MARCHF1: variants seen among roughly 807,000 people sequenced by gnomAD.
MARCHF1 encodes E3 ubiquitin-protein ligase MARCHF1.
Under a neutral mutation model 54.2 loss-of-function variants are expected in MARCHF1, and 40 were observed. The ratio of observed to expected loss-of-function variants is 0.74; its 90% confidence interval spans 0.57 to 0.96. MARCHF1 has a LOEUF of 0.96. MARCHF1 is among the 40% of genes least tolerant of loss of function. The pLI is 0.00. For synonymous variants in MARCHF1, 236 were observed against 236.3 expected (o/e 1.00, Z 0.01); for missense variants, 586 against 656.5 (o/e 0.89, Z 1.17).
chr4:164,329,620 T>C, intron 1 of MARCHF1, among the ~76,000 whole-genome samples: 1 of 152,160 alleles, frequency 6.6e-6, no homozygotes, highest in East Asian at 1.9e-4. Flanking sequence ...TTTTACAAGC[T>C]ATACAGGAAG....
intron 5 of MARCHF1, among the ~76,000 whole-genome samples, chr4:163,679,643 C>T: frequency 6.8e-6 from 1 of 148,020 alleles, no homozygotes; most frequent in Non-Finnish European, 1.5e-5. Context: ...GATGGAGTCT[C>T]GCTCTGTTGC....
rs550884094 is a variant in MARCHF1 at position 164,053,800 on chromosome 4, G to A, written c.-248+57788C>T. 1.2e-4 allele frequency among the ~76,000 whole-genome samples: 19 copies of A among 152,264 alleles called. 1 individual carries two copies. In the South Asian group the frequency reaches 3.7e-3, roughly 30 times the overall value. On this transcript the variant is annotated intron_variant, in intron 2 of 9. Transcript: ENST00000514618. ...TGGTTTGAAAAAGTGCAGCAATAAAGAATTCATAATGTCCTGAAGAAGACA... is the reference window on the plus strand; with the variant it reads ...TGGTTTGAAAAAGTGCAGCAATAAAAAATTCATAATGTCCTGAAGAAGACA...
chr4:163,871,142 A>G (rs1454800525), intron 3 of MARCHF1, among the ~76,000 whole-genome samples: 2 of 152,160 alleles, frequency 1.3e-5, no homozygotes, highest in Non-Finnish European at 2.9e-5. Context: ...TATTAATAAA[A>G]GCAAAACTAA....
At chr4:164,161,806 C>T (rs561285514) in intron 1 of MARCHF1, among the ~76,000 whole-genome samples, 12 of 152,272 alleles carry the variant, frequency 7.9e-5, no homozygotes, top group African/African-American at 2.4e-4. Flanking sequence ...AGCCACCTTG[C>T]TGCTATGAAA....
intron 3 of MARCHF1, among the ~76,000 whole-genome samples, chr4:163,939,161 G>A (rs549468901): frequency 2.0e-5 from 3 of 152,094 alleles, no homozygotes; most frequent in Non-Finnish European, 4.4e-5. Flanking sequence ...ACAATAAATA[G>A]AACTCTCAGT....
At chr4:164,073,218 C>T (rs1036763471) in intron 2 of MARCHF1, among the ~76,000 whole-genome samples, 9 of 152,058 alleles carry the variant, frequency 5.9e-5, no homozygotes, top group Admixed American at 1.3e-4. Context: ...TGGCACTGTT[C>T]GCAATAGCAA....
intron 1 of MARCHF1, among the ~76,000 whole-genome samples, chr4:164,131,724 C>T (rs1013338716): frequency 6.6e-6 from 1 of 152,028 alleles, no homozygotes; most frequent in Admixed American, 6.6e-5. Flanking sequence ...TTGCCTGCTA[C>T]TCTAAGTAAC....
Position 163,933,620 on chromosome 4 carries a change from A to G in MARCHF1, c.-39+54881T>C. 1.3e-5 allele frequency among the ~76,000 whole-genome samples: 2 copies of G among 152,258 alleles called. 1 individual carries two copies. On this transcript the variant is annotated intron_variant, in intron 3 of 9. Coordinates refer to ENST00000514618, the MANE Select transcript of MARCHF1 (RefSeq NM_001394959.1). ...GAAAATGTAGTTAATTACAATTTAA[A>G]GAGTGTTCCACACAACTTCTCCATT...
chr4:164,068,999 G>A (rs6536794), intron 2 of MARCHF1, among the ~76,000 whole-genome samples: 98,968 of 151,066 alleles, frequency 0.66, 34,113 homozygotes, highest in Non-Finnish European at 0.78. Context: ...GGGACTTGGA[G>A]AACCTTTGTG....
intron 3 of MARCHF1, among the ~76,000 whole-genome samples, chr4:163,902,472 GC>G (rs1450523841): frequency 6.6e-6 from 1 of 152,046 alleles, no homozygotes; most frequent in Non-Finnish European, 1.5e-5. Context: ...ATTGATGTTG[GC>G]CCCTTTTTTA....
intron 1 of MARCHF1, among the ~76,000 whole-genome samples, chr4:164,233,136 C>T (rs1172650933): frequency 6.6e-6 from 1 of 152,028 alleles, no homozygotes; most frequent in Non-Finnish European, 1.5e-5. Context: ...ATTAATAGTA[C>T]CCCTATATGT....
At chr4:163,989,632 T>TA (rs942774846) in intron 2 of MARCHF1, among the ~76,000 whole-genome samples, 9 of 152,136 alleles carry the variant, frequency 5.9e-5, no homozygotes, top group Admixed American at 6.5e-5. Flanking sequence ...TTTTTAAATT[T>TA]AAAAAAAATT....
chr4:164,149,233 T>C (rs938731749), intron 1 of MARCHF1, among the ~76,000 whole-genome samples: 1 of 152,186 alleles, frequency 6.6e-6, no homozygotes, highest in Non-Finnish European at 1.5e-5. Context: ...CCTGCAGAAC[T>C]GTCAGCCAAA....
chr4:164,124,968 T>C (rs189527327), intron 1 of MARCHF1, among the ~76,000 whole-genome samples: 2 of 152,254 alleles, frequency 1.3e-5, no homozygotes, highest in Non-Finnish European at 2.9e-5. Flanking sequence ...GACAAATGCT[T>C]GAGGGGATGG....
chr4:163,549,294 G>A (rs1262700470), intron 8 of MARCHF1, among the ~76,000 whole-genome samples: 3 of 151,824 alleles, frequency 2.0e-5, no homozygotes, highest in Admixed American at 2.0e-4. Flanking sequence ...AGTTTCTTTT[G>A]CTTATTGCTT....
chr4:163,959,365 A>G (rs1308009392), intron 3 of MARCHF1, among the ~76,000 whole-genome samples: 1 of 147,892 alleles, frequency 6.8e-6, no homozygotes, highest in East Asian at 1.9e-4. Context: ...AAAAAACACA[A>G]AACAAACAAA....
chr4:163,942,836 TC>T (rs1321260881), intron 3 of MARCHF1, among the ~76,000 whole-genome samples: 2 of 152,094 alleles, frequency 1.3e-5, no homozygotes, highest in African/African-American at 4.8e-5. Flanking sequence ...CTTAGCTTTC[TC>T]CTTTCTCTTA....
At chr4:163,601,257 GCAAC>G (rs906634539) in intron 7 of MARCHF1, among the ~76,000 whole-genome samples, 154 of 152,172 alleles carry the variant, frequency 1.0e-3, no homozygotes, top group African/African-American at 3.7e-3. Flanking sequence ...TTATTTGGTA[GCAAC>G]AAACACTGTA....
intron 3 of MARCHF1, among the ~76,000 whole-genome samples, chr4:163,909,645 G>A (rs1751147132): frequency 6.6e-6 from 1 of 152,104 alleles, no homozygotes; most frequent in Admixed American, 6.6e-5. Context: ...TAAAAATAAA[G>A]TCTTATCTTC....
Sources: allele counts gnomAD v4.1 joint callset (sites outside exome capture counted in the v4.1 genomes callset), GRCh38; gene constraint gnomAD v4.1.1; transcripts MANE v1.5; gene names NCBI Gene and HGNC (gene_info 2026-07-23, HGNC 2026-07-21).